NBAS: variants seen among roughly 807,000 people sequenced by gnomAD.
NBAS encodes the protein NAG/BC035112 fusion.
A neutral mutation model predicts 302.5 loss-of-function variants in NBAS; 219 were observed. The observed-to-expected ratio is 0.72, with a 90% CI of 0.65 to 0.81. The LOEUF is 0.81. Among genes scored for constraint, NBAS ranks in the 30% least tolerant of loss-of-function variants. The probability of loss-of-function intolerance (pLI) is 0.00; values close to 1 mark genes in which losing one functional copy is unlikely to be tolerated. For synonymous variants in NBAS, 1,118 were observed against 1,021.6 expected, an observed-to-expected ratio of 1.09 and a Z score of -1.80; for missense variants, 2,932 against 2,841.6, an observed-to-expected ratio of 1.03 and a Z score of -0.72.
At chr2:15,251,894 T>A (rs1668381294) in intron 44 of NBAS, among the ~76,000 whole-genome samples, 1 of 152,192 alleles carries the variant, frequency 6.6e-6, no homozygotes. Context: ...CAGCCTTATT[T>A]CACCCAGCTC....
chr2:15,012,331 G>T, the NBAS span, among the ~76,000 whole-genome samples: 1 of 151,790 alleles, frequency 6.6e-6, no homozygotes, highest in Admixed American at 6.6e-5. Context: ...AAGGCCTCTT[G>T]AAATAACACA....
chr2:14,885,285 T>C, the NBAS span, among the ~76,000 whole-genome samples: 4 of 152,088 alleles, frequency 2.6e-5, no homozygotes, highest in African/African-American at 7.2e-5. Flanking sequence ...GAGTTTGAGA[T>C]ATATATTTTA....
chr2:15,465,001 C>T (rs1679662066), intron 19 of NBAS, among the ~76,000 whole-genome samples: 1 of 152,282 alleles, frequency 6.6e-6, no homozygotes, highest in East Asian at 1.9e-4. Context: ...GGACAAATTA[C>T]TTACCTTCTC....
chr2:15,106,451 G>GTCTCTGTCTCTCTCTCTCTC, the NBAS span, among the ~76,000 whole-genome samples: 5 of 147,856 alleles, frequency 3.4e-5, no homozygotes, highest in African/African-American at 1.3e-4. Flanking sequence ...CTCTGTCTCT[G>GTCTCTGTCTCTCTCTCTCTC]TCTCTCTCTC....
chr2:14,909,619 G>A, the NBAS span, among the ~76,000 whole-genome samples: 1 of 152,174 alleles, frequency 6.6e-6, no homozygotes, highest in Non-Finnish European at 1.5e-5. Flanking sequence ...CTCACATGCT[G>A]TTGTAGGAAA....
At chr2:14,890,397 A>G in the NBAS span, 4 of 152,218 alleles carry the variant, frequency 2.6e-5, no homozygotes, top group Non-Finnish European at 5.9e-5. Context: ...TAATGCTAGC[A>G]TATGGCATAT....
At chr2:15,289,318 T>C (rs1670198081) in intron 41 of NBAS, among the ~76,000 whole-genome samples, 1 of 152,194 alleles carries the variant, frequency 6.6e-6, no homozygotes, top group Non-Finnish European at 1.5e-5. Context: ...CCAGGGCTGG[T>C]AGTGAACTCC....
chr2:15,558,502 G>T, intron 2 of NBAS, 78 bp downstream of exon 2: 1 of 1,087,034 alleles, frequency 9.2e-7, no homozygotes, highest in Non-Finnish European at 1.4e-6. Context: ...ACTTTTATTA[G>T]GCTCCACATC....
Position 15,474,125 on chromosome 2 carries a change from T to C in NBAS, c.1541A>G (p.Lys514Arg). 6.2e-7 allele frequency: 1 copy of C among 1,614,110 alleles called. No individual in the cohort carries two copies. Among genetic ancestry groups the C allele is most frequent in the South Asian group, 1.1e-5 (1 of 91,082 alleles). Reference sequence around the variant, plus strand: ...GCGCAAACTCACAAGGCGGTAGTTTTTAGTAATGGTTCGTGGGCGTTTCCG... The same window carrying C: ...GCGCAAACTCACAAGGCGGTAGTTTCTAGTAATGGTTCGTGGGCGTTTCCG... ...PPRKRPRTIT[K>R]NYRLVSLRST... Residue 514 changes from lysine (K) to arginine (R), a missense_variant, in exon 15 of 52, where the codon AAA (lysine) becomes AGA (arginine). Lys to Arg is a conservative substitution (Grantham distance 26). Coordinates refer to ENST00000281513, the MANE Select transcript of NBAS (RefSeq NM_015909.4).
chr2:15,075,714 T>C, the NBAS span, among the ~76,000 whole-genome samples: 1 of 152,034 alleles, frequency 6.6e-6, no homozygotes. Context: ...GATCCTGATA[T>C]ATTATGTGTA....
At chr2:15,356,150 C>T (rs1673607084) in intron 33 of NBAS, among the ~76,000 whole-genome samples, 153 bp downstream of exon 33, 1 of 152,172 alleles carries the variant, frequency 6.6e-6, no homozygotes, top group African/African-American at 2.4e-5. Flanking sequence ...TATAAGTACA[C>T]AGCCTATATA....
the NBAS span, among the ~76,000 whole-genome samples, chr2:14,795,776 A>C: frequency 1.3e-5 from 2 of 151,386 alleles, no homozygotes; most frequent in East Asian, 1.9e-4. Context: ...CCTGCCCTCT[A>C]CCTAGCAGAT....
chr2:15,473,950 T>A, intron 15 of NBAS, 117 bp downstream of exon 15: 1 of 1,223,898 alleles, frequency 8.2e-7, no homozygotes, highest in Non-Finnish European at 1.2e-6. Context: ...ATTTTTAACA[T>A]GTCAATGATC....
At chr2:15,419,787 C>T (rs1192219818) in intron 23 of NBAS, among the ~76,000 whole-genome samples, 2 of 151,992 alleles carry the variant, frequency 1.3e-5, no homozygotes, top group African/African-American at 2.4e-5. Flanking sequence ...TCTCGGCTCA[C>T]GGCAAGCTCT....
At chr2:14,792,722 A>C in the NBAS span, among the ~76,000 whole-genome samples, 1 of 152,152 alleles carries the variant, frequency 6.6e-6, no homozygotes, top group African/African-American at 2.4e-5. Flanking sequence ...AACATAATAG[A>C]CAAAATGTTC....
chr2:15,096,874 G>A, the NBAS span, among the ~76,000 whole-genome samples: 7 of 152,316 alleles, frequency 4.6e-5, no homozygotes, highest in South Asian at 8.3e-4. Flanking sequence ...AGTTACAGAG[G>A]AGCAAAACAG....
chr2:15,240,709 A>G (rs1044163045), intron 44 of NBAS, among the ~76,000 whole-genome samples: 1 of 152,198 alleles, frequency 6.6e-6, no homozygotes, highest in Non-Finnish European at 1.5e-5. Flanking sequence ...ACTATTTCCA[A>G]TGAAATTGGA....
At chr2:14,926,031 G>A in the NBAS span, among the ~76,000 whole-genome samples, 1 of 152,158 alleles carries the variant, frequency 6.6e-6, no homozygotes, top group Non-Finnish European at 1.5e-5. Flanking sequence ...CACACCTCTG[G>A]TGGAAAGGAT....
At chr2:15,381,375 G>A (rs1327381455) in intron 29 of NBAS, among the ~76,000 whole-genome samples, 1 of 152,010 alleles carries the variant, frequency 6.6e-6, no homozygotes, top group Non-Finnish European at 1.5e-5. Flanking sequence ...CTATATTACT[G>A]TCTCCTACAG....
Sources: gnomAD v4.1 joint callset for allele counts (sites outside exome capture counted in the v4.1 genomes callset) on GRCh38, gnomAD v4.1.1 for gene constraint, MANE v1.5 for transcripts, NCBI Gene and HGNC (gene_info 2026-07-23, HGNC 2026-07-21) for gene names.